Variants in TBL1X observed in about 807,000 individuals in gnomAD.
TBL1X encodes F-box-like/WD repeat-containing protein TBL1X.
A neutral mutation model predicts 50.7 loss-of-function variants in TBL1X; 10 were observed. The ratio of observed to expected loss-of-function variants is 0.20; its 90% CI spans 0.12 to 0.33. The LOEUF is 0.33. TBL1X is among the 10% of genes least tolerant of loss of function. The pLI is 1.00. For synonymous variants in TBL1X, 190 were observed against 214.7 expected (o/e 0.88, Z 1.01); for missense variants, 340 against 504.4 (o/e 0.67, Z 3.12).
intron 2 of TBL1X, among the ~76,000 whole-genome samples, chrX:9,569,506 C>T (rs1415054597): frequency 8.9e-6 from 1 of 111,986 alleles, no homozygotes; most frequent in Non-Finnish European, 1.9e-5. Context: ...TGATTACTGT[C>T]CTTTTTGAGA....
At chrX:9,714,331 G>T (rs764727670) in intron 16 of TBL1X, among the ~76,000 whole-genome samples, 2 of 112,073 alleles carry the variant, frequency 1.8e-5, no homozygotes, top group Non-Finnish European at 3.8e-5. Flanking sequence ...ACTGGGGTGG[G>T]TGTATTCATT....
At chrX:9,469,778 C>T (rs1373167406) in intron 1 of TBL1X, among the ~76,000 whole-genome samples, 1 of 111,920 alleles carries the variant, frequency 8.9e-6, no homozygotes, top group African/African-American at 3.2e-5. Flanking sequence ...CAGTCACCCC[C>T]CCCAGCCCCG....
At chrX:9,506,994 G>A (rs1244031996) in intron 2 of TBL1X, among the ~76,000 whole-genome samples, 2 of 111,867 alleles carry the variant, frequency 1.8e-5, no homozygotes, top group Non-Finnish European at 3.8e-5. Context: ...ATACTAAATG[G>A]GCAAAAGCTG....
At chrX:9,699,064 T>C (rs745572492) in intron 12 of TBL1X, among the ~76,000 whole-genome samples, 1 of 111,612 alleles carries the variant, frequency 9.0e-6, no homozygotes, top group East Asian at 2.8e-4. Context: ...CATTGCAGCC[T>C]CCGCCTCCCA....
intron 6 of TBL1X, among the ~76,000 whole-genome samples, chrX:9,684,867 C>G (rs1345775690): frequency 8.9e-6 from 1 of 112,210 alleles, no homozygotes; most frequent in Non-Finnish European, 1.9e-5. Flanking sequence ...GCTGTCTCTT[C>G]TTGATTTCTG....
chrX:9,683,071 T>C (rs1357305095), intron 5 of TBL1X, among the ~76,000 whole-genome samples: 1 of 111,710 alleles, frequency 9.0e-6, no homozygotes, highest in African/African-American at 3.3e-5. Context: ...GACCCAGCCC[T>C]GCCAGGCGGG....
chrX:9,672,534 T>C (rs995509574), intron 5 of TBL1X, among the ~76,000 whole-genome samples: 5 of 111,169 alleles, frequency 4.5e-5, no homozygotes. Flanking sequence ...CTCAAGATGA[T>C]GTTCTTTTTA....
At chrX:9,617,776 G>T (rs963572727) in intron 2 of TBL1X, among the ~76,000 whole-genome samples, 1 of 112,451 alleles carries the variant, frequency 8.9e-6, no homozygotes, top group Admixed American at 9.4e-5. Flanking sequence ...TATCACAAAG[G>T]TGTGTTTTGG....
chrX:9,527,931 G>A (rs1310568526), intron 2 of TBL1X, among the ~76,000 whole-genome samples: 2 of 110,722 alleles, frequency 1.8e-5, no homozygotes, highest in Admixed American at 9.6e-5. Context: ...CCACAGGTGC[G>A]CATCACCACG....
chrX:9,503,332 C>T (rs968619221), intron 2 of TBL1X, among the ~76,000 whole-genome samples: 3 of 113,022 alleles, frequency 2.7e-5, no homozygotes, highest in Non-Finnish European at 5.6e-5. Flanking sequence ...CGTGAACCCA[C>T]GCCACCAGGG....
chrX:9,709,365 A>T, intron 14 of TBL1X, 43 bp downstream of exon 14: 1 of 1,174,873 alleles, frequency 8.5e-7, no homozygotes, highest in Non-Finnish European at 1.2e-6. Flanking sequence ...AATCCTAGAC[A>T]ACCCCGGGCA....
In TBL1X at chrX:9,689,019, C is replaced by T. The variant is rs771714029; in HGVS notation, c.616+744C>T. On this transcript the variant is annotated intron_variant, in intron 7 of 17. Coordinates refer to ENST00000645353, the MANE Select transcript of TBL1X (RefSeq NM_005647.4). ...ATGCATGCGTGTGCGTGTATGTGTG[C>T]GTGTGTGCGTGTGTGCGTGCACGCG... Among the ~76,000 whole-genome samples, 8 of 99,830 alleles carry T rather than the reference C, an allele frequency of 8.0e-5. No individual in the cohort carries two copies. The South Asian group carries it at 1.1e-3, about 14-fold the overall frequency. The allele number at this position is 99,830 out of a possible 115,157, so 86.7% of individuals were successfully genotyped here. A position where few individuals can be genotyped will look rare whatever the true frequency, so the allele number is the denominator to read the frequency against.
At chrX:9,547,476 C>T (rs940493613) in intron 2 of TBL1X, among the ~76,000 whole-genome samples, 5 of 111,287 alleles carry the variant, frequency 4.5e-5, no homozygotes, top group Admixed American at 9.5e-5. Flanking sequence ...TGTGCTACCA[C>T]GCCCAGCTAA....
chrX:9,591,398 C>T (rs1212585488), intron 2 of TBL1X, among the ~76,000 whole-genome samples: 2 of 112,221 alleles, frequency 1.8e-5, no homozygotes, highest in Admixed American at 1.9e-4. Context: ...AGATCCCAAT[C>T]GACTGCTTTT....
At chrX:9,680,911 G>A (rs776910929) in intron 5 of TBL1X, among the ~76,000 whole-genome samples, 68 of 112,219 alleles carry the variant, frequency 6.1e-4, no homozygotes, top group African/African-American at 2.0e-3. Flanking sequence ...TTCGGCAGAC[G>A]ACTTTCAGCT....
intron 3 of TBL1X, among the ~76,000 whole-genome samples, chrX:9,651,253 C>T (rs1209650822): frequency 1.8e-5 from 2 of 111,044 alleles, no homozygotes; most frequent in African/African-American, 6.5e-5. Context: ...CTGTGTTGCC[C>T]AGGCAGGTCT....
chrX:9,474,602 G>A (rs1430898342), intron 1 of TBL1X, among the ~76,000 whole-genome samples: 1 of 112,946 alleles, frequency 8.9e-6, no homozygotes, highest in Non-Finnish European at 1.9e-5. Flanking sequence ...CGCTTGTTTC[G>A]GAACTAGATG....
rs973483740 is a variant in TBL1X, at chrX:9,693,488, A to G, written c.1053+69A>G. 6.9e-5 allele frequency: 70 copies of G among 1,015,131 alleles called. 1 individual carries two copies. The Middle Eastern group carries it at 2.4e-3, about 34-fold the overall frequency. The allele number at this position is 1,015,131 out of a possible 1,213,427, so 83.7% of individuals were successfully genotyped here. A position where few individuals can be genotyped will look rare whatever the true frequency, so the allele number is the denominator to read the frequency against. On this transcript the variant is annotated intron_variant, in intron 11 of 17. Transcript: ENST00000645353. ...TATATATTTTTAATCTCAAAATAACATCGTGGTTTCTTGGAACTCGTAGGC... is the reference window on the plus strand; with the variant it reads ...TATATATTTTTAATCTCAAAATAACGTCGTGGTTTCTTGGAACTCGTAGGC...
chrX:9,607,810 GATTTATTT>G (rs751058145), intron 2 of TBL1X, among the ~76,000 whole-genome samples: 90 of 108,649 alleles, frequency 8.3e-4, no homozygotes, highest in African/African-American at 2.9e-3. Flanking sequence ...TTTTTAAGTT[GATTTATTT>G]ATTTATTTAT....
Sources: allele counts gnomAD v4.1 joint callset (sites outside exome capture counted in the v4.1 genomes callset), GRCh38; gene constraint gnomAD v4.1.1; transcripts MANE v1.5; gene names NCBI Gene and HGNC (gene_info 2026-07-23, HGNC 2026-07-21).